SRBD1: variants seen among roughly 807,000 people sequenced by gnomAD.
SRBD1 encodes the protein S1 RNA-binding domain-containing protein 1.
Under a neutral mutation model 115.3 loss-of-function variants are expected in SRBD1, and 88 were observed. The observed-to-expected ratio is 0.76, with a 90% CI of 0.64 to 0.91. The LOEUF is 0.91. Among genes scored for constraint, SRBD1 ranks in the 40% least tolerant of loss-of-function variants. The pLI is 0.00. For missense variants in SRBD1, 1,385 were observed against 1,177.4 expected, an observed-to-expected ratio of 1.18 and a Z score of -2.58; for synonymous variants, 509 against 407.7, an observed-to-expected ratio of 1.25 and a Z score of -2.99.
At chr2:45,405,390 G>A (rs1667402990) in intron 19 of SRBD1, among the ~76,000 whole-genome samples, 4 of 152,116 alleles carry the variant, frequency 2.6e-5, no homozygotes, top group African/African-American at 9.7e-5. Flanking sequence ...GTTGTAAAAG[G>A]AGGGACAAAG....
At chr2:45,415,497 GTATA>G (rs1319254654) in intron 18 of SRBD1, among the ~76,000 whole-genome samples, 1 of 145,544 alleles carries the variant, frequency 6.9e-6, no homozygotes, top group Non-Finnish European at 1.5e-5. Flanking sequence ...GGAGGAGTGT[GTATA>G]TATAGTGTGT....
chr2:45,510,607 G>C (rs1047167134), intron 14 of SRBD1, among the ~76,000 whole-genome samples: 1 of 152,288 alleles, frequency 6.6e-6, no homozygotes, highest in African/African-American at 2.4e-5. Context: ...CCCACACTAA[G>C]TATCACAAAC....
intron 19 of SRBD1, among the ~76,000 whole-genome samples, chr2:45,402,685 T>C (rs1297543631): frequency 6.6e-6 from 1 of 152,218 alleles, no homozygotes; most frequent in African/African-American, 2.4e-5. Flanking sequence ...AATTTCCTGA[T>C]ATTTTTCAAG....
At chr2:45,400,356 G>T (rs1393253147) in intron 19 of SRBD1, among the ~76,000 whole-genome samples, 1 of 152,026 alleles carries the variant, frequency 6.6e-6, no homozygotes, top group East Asian at 1.9e-4. Context: ...AGAAAAAAAG[G>T]AGAAGGACAG....
intron 7 of SRBD1, among the ~76,000 whole-genome samples, chr2:45,577,079 C>G (rs1673201936): frequency 6.6e-6 from 1 of 152,154 alleles, no homozygotes; most frequent in South Asian, 2.1e-4. Flanking sequence ...CCAGATAACT[C>G]TGATACTCAT....
intron 16 of SRBD1, among the ~76,000 whole-genome samples, chr2:45,456,155 G>C (rs1669146107): frequency 6.6e-6 from 1 of 151,798 alleles, no homozygotes; most frequent in Non-Finnish European, 1.5e-5. Context: ...TTAACTGAAA[G>C]ACTTCTGCTT....
intron 16 of SRBD1, among the ~76,000 whole-genome samples, chr2:45,474,328 A>T (rs1669740399): frequency 6.6e-6 from 1 of 152,070 alleles, no homozygotes; most frequent in Admixed American, 6.5e-5. Context: ...AGAGTCCCTA[A>T]CTGTCTGTCT....
intron 4 of SRBD1, among the ~76,000 whole-genome samples, chr2:45,594,071 A>C (rs373795344): frequency 1.3e-4 from 20 of 152,336 alleles, no homozygotes; most frequent in African/African-American, 4.8e-4. Flanking sequence ...AAATTATATT[A>C]ACAAAAAGTA....
chr2:45,578,773 A>C (rs903533893), intron 7 of SRBD1, among the ~76,000 whole-genome samples: 1 of 152,196 alleles, frequency 6.6e-6, no homozygotes, highest in Non-Finnish European at 1.5e-5. Flanking sequence ...TAGAGTTCTA[A>C]CATACAACAC....
At chr2:45,494,079 A>G (rs1670383514) in intron 14 of SRBD1, among the ~76,000 whole-genome samples, 1 of 152,126 alleles carries the variant, frequency 6.6e-6, no homozygotes, top group Non-Finnish European at 1.5e-5. Flanking sequence ...CAAAGTGGAA[A>G]AAAATGCCTA....
At chr2:45,474,770 A>G (rs1171316720) in intron 16 of SRBD1, among the ~76,000 whole-genome samples, 1 of 152,200 alleles carries the variant, frequency 6.6e-6, no homozygotes, top group East Asian at 1.9e-4. Context: ...AGTATCTGTC[A>G]GGAATTCCTG....
intron 14 of SRBD1, among the ~76,000 whole-genome samples, chr2:45,533,748 T>A (rs979653620): frequency 1.3e-5 from 2 of 152,062 alleles, no homozygotes; most frequent in Non-Finnish European, 2.9e-5. Context: ...GTTCATCAAT[T>A]GCTACATTAA....
intron 14 of SRBD1, among the ~76,000 whole-genome samples, chr2:45,538,376 G>C (rs1260047019): frequency 6.6e-6 from 1 of 152,164 alleles, no homozygotes; most frequent in Non-Finnish European, 1.5e-5. Context: ...AATTCAGCTA[G>C]TGAGTTAGGG....
At chr2:45,400,844 A>T (rs1667273259) in intron 19 of SRBD1, among the ~76,000 whole-genome samples, 1 of 152,172 alleles carries the variant, frequency 6.6e-6, no homozygotes, top group South Asian at 2.1e-4. Flanking sequence ...TTCCCAGTTC[A>T]AACAGCCATG....
At chr2:45,423,019 T>C (rs2103646089) in intron 16 of SRBD1, among the ~76,000 whole-genome samples, 1 of 152,318 alleles carries the variant, frequency 6.6e-6, no homozygotes, top group Non-Finnish European at 1.5e-5. Context: ...ATCTCTGACT[T>C]GACTTGAGCC....
At chr2:45,578,957 T>A (rs957327093) in intron 7 of SRBD1, among the ~76,000 whole-genome samples, 1 of 152,224 alleles carries the variant, frequency 6.6e-6, no homozygotes, top group Admixed American at 6.5e-5. Flanking sequence ...TATTAATATA[T>A]GTATATCAAA....
intron 15 of SRBD1, among the ~76,000 whole-genome samples, chr2:45,479,146 C>G (rs1669887587): frequency 6.6e-6 from 1 of 152,198 alleles, no homozygotes; most frequent in Non-Finnish European, 1.5e-5. Flanking sequence ...GCTCCACCAA[C>G]TGGCTATTCC....
At position 45,457,642 on chromosome 2, in the gene SRBD1, G is replaced by A. The variant is rs115301381; in HGVS notation, c.2049+19351C>T. Reference sequence around the variant, plus strand: ...GTAATATAAGAAATGTCATTCTCACGGCGTATGTTAAAAAAATACCCCGAC... The same window carrying A: ...GTAATATAAGAAATGTCATTCTCACAGCGTATGTTAAAAAAATACCCCGAC... On this transcript the variant is annotated intron_variant, in intron 16 of 20. Transcript: ENST00000263736. Among the ~76,000 whole-genome samples, 1,336 of 151,798 alleles carry A rather than the reference G, an allele frequency of 8.8e-3. 23 individuals carry two copies. Among genetic ancestry groups the A allele is most frequent in the African/African-American group, 0.028 (1,164 of 41,424 alleles).
intron 10 of SRBD1, among the ~76,000 whole-genome samples, chr2:45,558,044 C>CT (rs1672538515): frequency 6.6e-6 from 1 of 152,192 alleles, no homozygotes; most frequent in Non-Finnish European, 1.5e-5. Flanking sequence ...ACTGGGCTTT[C>CT]TTTTTTCCAC....
Sources: allele counts gnomAD v4.1 joint callset (sites outside exome capture counted in the v4.1 genomes callset), GRCh38; gene constraint gnomAD v4.1.1; transcripts MANE v1.5; gene names NCBI Gene and HGNC (gene_info 2026-07-23, HGNC 2026-07-21).